Variants in TMC2 observed in about 807,000 individuals in gnomAD.
TMC2 encodes transmembrane channel-like protein 2.
TMC2 carries 102 observed loss-of-function variants against 105.9 expected under a neutral mutation model. The ratio of observed to expected loss-of-function variants is 0.96; its 90% confidence interval spans 0.82 to 1.14. The LOEUF (loss-of-function observed/expected upper bound fraction) is 1.14, where lower values mean the gene tolerates loss of function less well. TMC2 is among the 50% of genes most tolerant of loss of function. The probability of loss-of-function intolerance (pLI) is 0.00; values close to 1 mark genes in which losing one functional copy is unlikely to be tolerated. For missense variants in TMC2, 1,093 were observed against 1,134.3 expected, an observed-to-expected ratio of 0.96 and a Z score of 0.52; for synonymous variants, 402 against 422.8, an observed-to-expected ratio of 0.95 and a Z score of 0.60.
intron 10 of TMC2, 129 bp downstream of exon 10, chr20:2,597,427 T>C (rs1420170429): frequency 8.7e-6 from 8 of 919,176 alleles, no homozygotes; most frequent in Non-Finnish European, 1.3e-5. Flanking sequence ...TTCCCAGAAA[T>C]GTGAGCCCAG....
chr20:2,578,994 T>C, intron 5 of TMC2, 152 bp from the exon 6 acceptor site: 1 of 614,338 alleles, frequency 1.6e-6, no homozygotes, highest in South Asian at 1.8e-5. Flanking sequence ...CAGCCTGGGC[T>C]CAAGGACAGC....
At chr20:2,574,147 T>C (rs1228881689) in intron 5 of TMC2, among the ~76,000 whole-genome samples, 1 of 152,256 alleles carries the variant, frequency 6.6e-6, no homozygotes, top group African/African-American at 2.4e-5. Flanking sequence ...GACTTCCATT[T>C]CATTGGAAAT....
At chr20:2,574,957 C>T (rs938811170) in intron 5 of TMC2, among the ~76,000 whole-genome samples, 1 of 151,926 alleles carries the variant, frequency 6.6e-6, no homozygotes. Context: ...AAATCCTGAC[C>T]TCAGGTGATC....
chr20:2,601,989 C>T (rs893691199), intron 10 of TMC2, 124 bp from the exon 11 acceptor site: 7 of 614,472 alleles, frequency 1.1e-5, no homozygotes, highest in Non-Finnish European at 1.9e-5. Context: ...CAGGGCATTA[C>T]ATCATCTCCT....
chr20:2,625,111 G>A (rs1426191610), intron 17 of TMC2, among the ~76,000 whole-genome samples: 1 of 152,166 alleles, frequency 6.6e-6, no homozygotes, highest in Non-Finnish European at 1.5e-5. Flanking sequence ...AGGGAAGAAA[G>A]GCAGGAAGCC....
At chr20:2,541,443 C>A (rs551498605) in intron 2 of TMC2, among the ~76,000 whole-genome samples, 10 of 152,106 alleles carry the variant, frequency 6.6e-5, no homozygotes, top group African/African-American at 2.4e-4. Context: ...GAGTTTGAGA[C>A]CAGCCTGGCC....
intron 7 of TMC2, among the ~76,000 whole-genome samples, chr20:2,584,787 TGTCTTTTTTTTTTTAA>T (rs1280378395): frequency 1.3e-4 from 20 of 150,208 alleles, no homozygotes; most frequent in Admixed American, 4.6e-4. Flanking sequence ...CTCTCTGAAA[TGTCTTTTTTTTTTTAA>T]TTCAGTCTTT....
chr20:2,600,713 A>G (rs1319455300), intron 10 of TMC2, among the ~76,000 whole-genome samples: 1 of 152,096 alleles, frequency 6.6e-6, no homozygotes, highest in African/African-American at 2.4e-5. Context: ...AGTTCCAGCT[A>G]CTTGGGAGGC....
At chr20:2,610,939 A>G (rs1421748635) in intron 12 of TMC2, among the ~76,000 whole-genome samples, 1 of 152,190 alleles carries the variant, frequency 6.6e-6, no homozygotes, top group Non-Finnish European at 1.5e-5. Context: ...GGGCTATGTC[A>G]TTACTTAACC....
intron 11 of TMC2, among the ~76,000 whole-genome samples, chr20:2,606,566 T>C (rs2086393297): frequency 6.6e-6 from 1 of 152,154 alleles, no homozygotes; most frequent in Non-Finnish European, 1.5e-5. Flanking sequence ...GACCCAAAAG[T>C]TTTTAAAAAT....
In TMC2 at chr20:2,641,666, G is replaced by A. The variant is rs539031961; in HGVS notation, c.*315G>A. ...CTCCCGATTTTCGGAGTTGGGGAAGGGCCATGACCACCCTCGTAGACTTTT... is the reference window on the plus strand; with the variant it reads ...CTCCCGATTTTCGGAGTTGGGGAAGAGCCATGACCACCCTCGTAGACTTTT... On this transcript the variant is annotated 3_prime_UTR_variant, in exon 20 of 20. Transcript: ENST00000358864. 1.3e-5 allele frequency: 4 copies of A among 307,620 alleles called. No individual in the cohort carries two copies. The highest frequency in any genetic ancestry group is 6.3e-5 in the African/African-American group (3 of 47,896). The allele number at this position is 307,620 out of a possible 1,614,324, so 19.1% of individuals were successfully genotyped here.
At chr20:2,553,334 T>G (rs1232535310) in intron 2 of TMC2, among the ~76,000 whole-genome samples, 5 of 152,236 alleles carry the variant, frequency 3.3e-5, no homozygotes, top group Non-Finnish European at 5.9e-5. Context: ...TTTCTCTGCA[T>G]CTATTGATAT....
Position 2,636,904 on chromosome 20 carries a change from C to T in TMC2, c.2386-570C>T, listed in dbSNP as rs2086650980. On this transcript the variant is annotated intron_variant, in intron 18 of 19. Transcript: ENST00000358864. ...GGGATTATAGGCGTGAGCCACCGTG[C>T]CCAGCCCCTTCTTCTGTTAATCTCA... Among the ~76,000 whole-genome samples, 8 of 152,150 alleles carry T rather than the reference C, an allele frequency of 5.3e-5. No individual in the cohort carries two copies. The South Asian group carries it at 1.7e-3, about 32-fold the overall frequency.
rs538056616 is a variant in TMC2 at position 2,571,543 on chromosome 20, C to CA, written c.555-630dup. Reference sequence around the variant, plus strand: ...GCGGAAAAACAAACAAACAAACAAACAAAAAACACTTATACATTGTTGGTG... The same window carrying CA: ...GCGGAAAAACAAACAAACAAACAAACAAAAAAACACTTATACATTGTTGGTG... On this transcript the variant is annotated intron_variant, in intron 4 of 19. Coordinates refer to ENST00000358864, the MANE Select transcript of TMC2 (RefSeq NM_080751.3). Among the ~76,000 whole-genome samples the CA allele has an allele frequency of 2.7e-3, 412 of 152,214 alleles. 3 individuals carry two copies. Among genetic ancestry groups the CA allele is most frequent in the African/African-American group, 8.1e-3 (335 of 41,550 alleles).
At chr20:2,635,850 T>C in intron 17 of TMC2, 76 bp from the exon 18 acceptor site, 6 of 1,184,318 alleles carry the variant, frequency 5.1e-6, no homozygotes, top group East Asian at 2.3e-5. Flanking sequence ...CCTGCCCTGA[T>C]TCCCCAAGAA....
At chr20:2,614,363 T>C (rs1032127765) in intron 14 of TMC2, among the ~76,000 whole-genome samples, 8 of 152,296 alleles carry the variant, frequency 5.3e-5, no homozygotes, top group African/African-American at 1.9e-4. Context: ...CCTAGCACTT[T>C]GGGAGGCCAA....
intron 2 of TMC2, among the ~76,000 whole-genome samples, chr20:2,544,249 G>T (rs1306968686): frequency 6.6e-6 from 1 of 151,968 alleles, no homozygotes; most frequent in Non-Finnish European, 1.5e-5. Flanking sequence ...GATAACCCTT[G>T]CTGGATGATT....
chr20:2,595,223 T>C (rs2086297106), intron 9 of TMC2, among the ~76,000 whole-genome samples: 1 of 152,196 alleles, frequency 6.6e-6, no homozygotes, highest in South Asian at 2.1e-4. Flanking sequence ...GGGAGCAGCA[T>C]TTTAGACAAA....
chr20:2,564,304 C>A (rs2086048899), intron 4 of TMC2, among the ~76,000 whole-genome samples: 2 of 152,048 alleles, frequency 1.3e-5, no homozygotes, highest in African/African-American at 4.8e-5. Context: ...GCGCCCACCA[C>A]CGTGCCCAGC....
Sources: allele counts gnomAD v4.1 joint callset (sites outside exome capture counted in the v4.1 genomes callset), GRCh38; gene constraint gnomAD v4.1.1; transcripts MANE v1.5; gene names NCBI Gene and HGNC (gene_info 2026-07-23, HGNC 2026-07-21).